The following NDUFAF5 variants were observed in gnomAD, a reference collection of about 807,000 sequenced individuals.
The protein encoded by NDUFAF5 is NADH:ubiquinone oxidoreductase complex assembly factor 5.
In NDUFAF5, 34 loss-of-function variants were observed where a neutral mutation model predicts 48.9. That is an observed-to-expected ratio of 0.70 (90% CI 0.53 to 0.93). The LOEUF (loss-of-function observed/expected upper bound fraction) is 0.93, where lower values mean the gene tolerates loss of function less well. NDUFAF5 is among the 40% of genes least tolerant of loss of function. The probability of loss-of-function intolerance (pLI) is 0.00; values close to 1 mark genes in which losing one functional copy is unlikely to be tolerated. For missense variants in NDUFAF5, 428 were observed against 427.5 expected, an observed-to-expected ratio of 1.00 and a Z score of -0.01; for synonymous variants, 153 against 150.6, an observed-to-expected ratio of 1.02 and a Z score of -0.12.
Position 13,794,941 on chromosome 20 carries a change from G to A in NDUFAF5, c.479G>A (p.Ser160Asn). 1.3e-6 allele frequency: 2 copies of A among 1,590,392 alleles called. No individual in the cohort carries two copies. The highest frequency in any genetic ancestry group is 1.7e-6 in the Non-Finnish European group (2 of 1,158,432). Residue 160 changes from serine (S) to asparagine (N), a missense_variant and splice_region_variant, in exon 5 of 11, where the codon AGT becomes AAT. Transcript: ENST00000378106. ...NTFDLVVSSLSLHWVNDLPRA... is the reference protein window; with the variant it reads ...NTFDLVVSSLNLHWVNDLPRA... ...TTTGACCTGGTGGTTAGCAGTTTAAGGTTGGTAATCCACTTTTTAAAAACC... is the reference window on the plus strand; with the variant it reads ...TTTGACCTGGTGGTTAGCAGTTTAAAGTTGGTAATCCACTTTTTAAAAACC...
chr20:13,819,408 C>A lies in NDUFAF5; in HGVS notation c.*2198C>A, dbSNP rs1455634648. 6.6e-6 allele frequency: 1 copy of A among 152,104 alleles called. No individual in the cohort carries two copies. Among genetic ancestry groups the A allele is most frequent in the African/African-American group, 2.4e-5 (1 of 41,422 alleles). 9.4% of individuals were successfully genotyped at this position (152,104 alleles called of 1,614,324 possible). A position where few individuals can be genotyped will look rare whatever the true frequency, so the allele number is the denominator to read the frequency against. The stretch of plus-strand genomic sequence containing the variant: ...TTTTTGAGACGGAGTCTCGCTCTGT[C>A]TCCAGGCTGGAGTACAGTGGCGCAA... On this transcript the variant is annotated 3_prime_UTR_variant, in exon 11 of 11. Coordinates refer to ENST00000378106, the MANE Select transcript of NDUFAF5 (RefSeq NM_024120.5).
At chr20:13,785,678 G>T (rs943885592) in intron 1 of NDUFAF5, among the ~76,000 whole-genome samples, 5 of 152,236 alleles carry the variant, frequency 3.3e-5, no homozygotes, top group Middle Eastern at 3.4e-3. Context: ...CACACATGTG[G>T]CTGTTGAACA....
chr20:13,816,027 A>C (rs1026242779), intron 8 of NDUFAF5: 5 of 220,626 alleles, frequency 2.3e-5, no homozygotes, highest in African/African-American at 1.1e-4. Flanking sequence ...CAAGTTTCAC[A>C]GTCATACTTG....
intron 1 of NDUFAF5, among the ~76,000 whole-genome samples, chr20:13,786,991 G>T (rs1404844481): frequency 6.6e-6 from 1 of 152,108 alleles, no homozygotes; most frequent in African/African-American, 2.4e-5. Flanking sequence ...GGACAGTAAT[G>T]TGCCTGTTGT....
rs141758325 is a variant in NDUFAF5, at chr20:13,801,583, C to A, written c.617C>A (p.Thr206Lys). The A allele has an allele frequency of 3.1e-6, 5 of 1,613,950 alleles. No homozygotes were observed. In the East Asian group the frequency reaches 1.1e-4, roughly 36 times the overall value. Residue 206 changes from threonine (T) to lysine (K), a missense_variant, in exon 7 of 11, where the codon ACG (threonine) becomes AAG (lysine). Transcript: ENST00000378106. Reference sequence around the variant, plus strand: ...CGGTGTTCCTTACAGTTAGCGGAAACGGAAAGGGAAGGAGGATTTTCTCCA... The same window carrying A: ...CGGTGTTCCTTACAGTTAGCGGAAAAGGAAAGGGAAGGAGGATTTTCTCCA... ...ELRCSLQLAE[T>K]EREGGFSPHI...
At position 13,820,800 on chromosome 20, in the gene NDUFAF5, T is replaced by C. The variant is rs979218024; in HGVS notation, c.*3590T>C. 1.3e-5 allele frequency: 2 copies of C among 152,194 alleles called. No homozygotes were observed. The highest frequency in any genetic ancestry group is 2.9e-5 in the Non-Finnish European group (2 of 68,038). 9.4% of individuals were successfully genotyped at this position (152,194 alleles called of 1,614,324 possible). On this transcript the variant is annotated 3_prime_UTR_variant, in exon 11 of 11. Coordinates refer to ENST00000378106, the MANE Select transcript of NDUFAF5 (RefSeq NM_024120.5). ...GGCTTCTGTGAAGGAAAGAAGTGAA[T>C]ATTAGTAGATATTTGGAAAAAAGAA...
Position 13,801,497 on chromosome 20 carries a change from T to C in NDUFAF5, c.531T>C (p.Ile177=), listed in dbSNP as rs148689921. 1.4e-4 allele frequency: 226 copies of C among 1,609,480 alleles called. No homozygotes were observed. The African/African-American group carries it at 2.7e-3, about 19-fold the overall frequency. ...LPRALEQIHY[I]LKPDGVFIGA... ...TGTATTTATTACAGATTCATTATAT[T>C]TTAAAACCAGATGGAGTGTTTATCG... is the stretch of plus-strand genomic sequence containing the variant. The change falls in exon 7 of 11, where the codon ATT becomes ATC. Residue 177 remains isoleucine (I), a synonymous_variant. Coordinates refer to ENST00000378106, the MANE Select transcript of NDUFAF5 (RefSeq NM_024120.5).
At chr20:13,810,567 A>G (rs1218341507) in intron 8 of NDUFAF5, among the ~76,000 whole-genome samples, 2 of 151,686 alleles carry the variant, frequency 1.3e-5, no homozygotes, top group Non-Finnish European at 2.9e-5. Context: ...TGGAAAGGTT[A>G]CAGGTGTCAG....
At chr20:13,808,956 A>T (rs1985468020) in intron 8 of NDUFAF5, 54 bp downstream of exon 8, 4 of 1,282,246 alleles carry the variant, frequency 3.1e-6, no homozygotes, top group South Asian at 1.2e-5. Flanking sequence ...GGCCAAAAAA[A>T]AAGAATTTTT....
intron 6 of NDUFAF5, 36 bp from the exon 7 acceptor site, chr20:13,801,450 A>G: frequency 7.3e-7 from 1 of 1,367,766 alleles, no homozygotes; most frequent in Non-Finnish European, 1.0e-6. Flanking sequence ...TATATATAAA[A>G]ATTTGAATCA....
At chr20:13,796,181 T>C (rs1240492219) in intron 5 of NDUFAF5, among the ~76,000 whole-genome samples, 1 of 152,178 alleles carries the variant, frequency 6.6e-6, no homozygotes, top group Non-Finnish European at 1.5e-5. Flanking sequence ...CTTTGCCACT[T>C]TTGGCCTGAA....
At chr20:13,798,649 T>G in intron 6 of NDUFAF5, 149 bp downstream of exon 6, 1 of 702,212 alleles carries the variant, frequency 1.4e-6, no homozygotes, top group Non-Finnish European at 2.6e-6. Flanking sequence ...ATTTGGCATA[T>G]TAGTAGTACA....
In NDUFAF5 at chr20:13,817,715, A is replaced by G. The variant is rs755599041; in HGVS notation, c.*505A>G. 1 of 454,086 alleles carries G rather than the reference A, an allele frequency of 2.2e-6. No individual in the cohort carries two copies. The highest frequency in any genetic ancestry group is 1.6e-5 in the South Asian group (1 of 64,470). The allele number at this position is 454,086 out of a possible 1,614,324, so 28.1% of individuals were successfully genotyped here. Reference sequence around the variant, plus strand: ...TTATCTCCATGGTGTGGGTGGGACCACCATGGTTTTACACCCCACCCTACC... The same window carrying G: ...TTATCTCCATGGTGTGGGTGGGACCGCCATGGTTTTACACCCCACCCTACC... On this transcript the variant is annotated 3_prime_UTR_variant, in exon 11 of 11. Transcript: ENST00000378106.
At chr20:13,801,765 G>A (rs1984187118) in intron 7 of NDUFAF5, 82 bp downstream of exon 7, 4 of 1,169,546 alleles carry the variant, frequency 3.4e-6, no homozygotes, top group South Asian at 1.3e-5. Flanking sequence ...AAAACTGTAT[G>A]TGTTCATGGT....
At chr20:13,791,831 A>G (rs1451362663) in intron 3 of NDUFAF5, among the ~76,000 whole-genome samples, 2 of 152,164 alleles carry the variant, frequency 1.3e-5, no homozygotes, top group African/African-American at 4.8e-5. Flanking sequence ...TATCCATAGT[A>G]GTGTTCATCA....
At chr20:13,785,981 G>T (rs1269577746) in intron 1 of NDUFAF5, among the ~76,000 whole-genome samples, 1 of 152,140 alleles carries the variant, frequency 6.6e-6, no homozygotes, top group Non-Finnish European at 1.5e-5. Context: ...GGAATGTGAA[G>T]CTCTTGTTTT....
chr20:13,816,675 A>C, intron 9 of NDUFAF5, 129 bp downstream of exon 9: 1 of 826,476 alleles, frequency 1.2e-6, no homozygotes, highest in Non-Finnish European at 2.1e-6. Flanking sequence ...CCTTCCTCTC[A>C]AAACACAGAT....
intron 2 of NDUFAF5, 74 bp from the exon 3 acceptor site, chr20:13,788,515 A>G: frequency 1.7e-6 from 2 of 1,172,168 alleles, no homozygotes. Flanking sequence ...GAATGATTTT[A>G]CCTAAGAAAA....
chr20:13,815,214 A>G (rs6074644), intron 8 of NDUFAF5, among the ~76,000 whole-genome samples: 25,502 of 152,218 alleles, frequency 0.17, 2,735 homozygotes, highest in Non-Finnish European at 0.24. Context: ...TACCTGAGCC[A>G]ACAGACTCTT....
Sources: gnomAD v4.1 joint callset for allele counts (sites outside exome capture counted in the v4.1 genomes callset) on GRCh38, gnomAD v4.1.1 for gene constraint, MANE v1.5 for transcripts, NCBI Gene and HGNC (gene_info 2026-07-23, HGNC 2026-07-21) for gene names.